The following STXBP5L variants were observed in gnomAD, a reference collection of about 807,000 sequenced individuals.
The protein encoded by STXBP5L is syntaxin binding protein 5L.
Under a neutral mutation model 144.5 loss-of-function variants are expected in STXBP5L, and 65 were observed. The ratio of observed to expected loss-of-function variants is 0.45; its 90% confidence interval spans 0.37 to 0.55. The LOEUF (loss-of-function observed/expected upper bound fraction) is 0.55. Ranked by LOEUF, STXBP5L falls within the 20% of genes least tolerant of loss-of-function variation. STXBP5L has a pLI of 0.00. For missense variants in STXBP5L, 1,298 were observed against 1,405.5 expected (o/e 0.92, Z 1.22); for synonymous variants, 505 against 469.6 (o/e 1.08, Z -0.97).
chr3:120,959,080 C>G (rs1938412988), intron 3 of STXBP5L, among the ~76,000 whole-genome samples: 1 of 152,066 alleles, frequency 6.6e-6, no homozygotes, highest in Non-Finnish European at 1.5e-5. Context: ...AATCAATGTG[C>G]AAAAATCACA....
At chr3:120,939,649 T>A (rs1710460414) in intron 2 of STXBP5L, among the ~76,000 whole-genome samples, 1 of 152,174 alleles carries the variant, frequency 6.6e-6, no homozygotes, top group Non-Finnish European at 1.5e-5. Context: ...TCTTTAGTAG[T>A]TTAACACCAT....
At chr3:121,313,404 C>T (rs2043628781) in intron 19 of STXBP5L, among the ~76,000 whole-genome samples, 1 of 126,276 alleles carries the variant, frequency 7.9e-6, no homozygotes, top group South Asian at 2.7e-4. Context: ...GACCCCCCAC[C>T]TCCCTCCCGG....
chr3:121,082,516 T>C (rs2042299073), intron 5 of STXBP5L, among the ~76,000 whole-genome samples: 1 of 152,256 alleles, frequency 6.6e-6, no homozygotes, highest in Admixed American at 6.5e-5. Context: ...CCCATTCCAT[T>C]GGACCAAGGT....
At chr3:121,059,350 GT>G (rs1221743064) in intron 5 of STXBP5L, among the ~76,000 whole-genome samples, 9 of 152,164 alleles carry the variant, frequency 5.9e-5, no homozygotes, top group Non-Finnish European at 1.3e-4. Context: ...TTTGTTACCA[GT>G]ACCATGGTGT....
chr3:121,137,393 T>C (rs756641009), intron 7 of STXBP5L, among the ~76,000 whole-genome samples: 1 of 152,114 alleles, frequency 6.6e-6, no homozygotes, highest in Non-Finnish European at 1.5e-5. Flanking sequence ...ATTGGCAGAC[T>C]CTTATGAACA....
chr3:121,178,834 G>A (rs1337483357), intron 9 of STXBP5L, among the ~76,000 whole-genome samples: 1 of 152,022 alleles, frequency 6.6e-6, no homozygotes, highest in Non-Finnish European at 1.5e-5. Context: ...CTGAGGGAAG[G>A]CAGCCAGCAG....
chr3:121,281,978 T>G (rs1440235690), intron 19 of STXBP5L, among the ~76,000 whole-genome samples: 1 of 151,360 alleles, frequency 6.6e-6, no homozygotes, highest in African/African-American at 2.4e-5. Context: ...TCTACTTTTA[T>G]AAGACATTTA....
chr3:121,015,281 G>C (rs1945062155), intron 3 of STXBP5L, among the ~76,000 whole-genome samples: 1 of 152,078 alleles, frequency 6.6e-6, no homozygotes, highest in South Asian at 2.1e-4. Flanking sequence ...TTAGATTTCT[G>C]GTTTCAACTT....
At chr3:120,946,731 C>T (rs1395515269) in intron 2 of STXBP5L, among the ~76,000 whole-genome samples, 2 of 151,616 alleles carry the variant, frequency 1.3e-5, no homozygotes, top group African/African-American at 4.8e-5. Context: ...CTTTGTGTTC[C>T]CAATTATACT....
chr3:121,349,475 T>C (rs1257931302), intron 20 of STXBP5L, among the ~76,000 whole-genome samples: 1 of 152,088 alleles, frequency 6.6e-6, no homozygotes, highest in Non-Finnish European at 1.5e-5. Flanking sequence ...CTATTAGGTC[T>C]GCTTGGTGTA....
At chr3:121,034,125 GTTTTC>G (rs1390605392) in intron 3 of STXBP5L, among the ~76,000 whole-genome samples, 1 of 151,798 alleles carries the variant, frequency 6.6e-6, no homozygotes, top group Non-Finnish European at 1.5e-5. Flanking sequence ...TAAAACCATT[GTTTTC>G]TTTATTTTTT....
At position 121,413,482 on chromosome 3, in the gene STXBP5L, AGTATGGTTCTAG is replaced by A. The variant is rs1268472043; in HGVS notation, c.3114+164_3114+175del. Reference sequence around the variant, plus strand: ...CTTCATTTTGAGCCTACCAACTTCTAGTATGGTTCTAGGTATTGCACAGAAATAATAAGAAAG... The same window carrying A: ...CTTCATTTTGAGCCTACCAACTTCTAGTATTGCACAGAAATAATAAGAAAG... On this transcript the variant is annotated intron_variant, in intron 24 of 26. Coordinates refer to ENST00000471454, the MANE Select transcript of STXBP5L (RefSeq NM_001308330.2). Among the ~76,000 whole-genome samples, 4 of 152,314 alleles carry A rather than the reference AGTATGGTTCTAG, an allele frequency of 2.6e-5. No homozygotes were observed. In the East Asian group the frequency reaches 7.7e-4, roughly 29 times the overall value.
intron 20 of STXBP5L, among the ~76,000 whole-genome samples, chr3:121,373,106 G>T (rs1363756039): frequency 6.6e-6 from 1 of 152,130 alleles, no homozygotes; most frequent in Non-Finnish European, 1.5e-5. Context: ...AATGTATCAG[G>T]TAGAAAATCT....
chr3:120,957,804 C>T (rs1359105664), intron 3 of STXBP5L, among the ~76,000 whole-genome samples: 1 of 151,846 alleles, frequency 6.6e-6, no homozygotes, highest in East Asian at 1.9e-4. Context: ...CAAGAGAAAG[C>T]AGGAAAGATC....
intron 2 of STXBP5L, among the ~76,000 whole-genome samples, chr3:120,930,164 C>CTT (rs140390258): frequency 7.4e-6 from 1 of 135,998 alleles, no homozygotes; most frequent in Non-Finnish European, 1.6e-5. Flanking sequence ...TTTCTATTTT[C>CTT]TTTTTTTTTT....
intron 9 of STXBP5L, among the ~76,000 whole-genome samples, chr3:121,175,768 T>C (rs2046908638): frequency 6.6e-6 from 1 of 151,966 alleles, no homozygotes; most frequent in East Asian, 1.9e-4. Flanking sequence ...ACAGTGATTC[T>C]AACATTCAAT....
At chr3:121,418,267 T>A in intron 25 of STXBP5L, 70 bp from the exon 26 acceptor site, 2 of 1,488,158 alleles carry the variant, frequency 1.3e-6, no homozygotes, top group Non-Finnish European at 1.8e-6. Flanking sequence ...TAGTACTTTG[T>A]CTTGGTGACA....
intron 9 of STXBP5L, among the ~76,000 whole-genome samples, chr3:121,161,455 A>G (rs2046319360): frequency 1.3e-5 from 2 of 151,728 alleles, no homozygotes; most frequent in South Asian, 4.1e-4. Context: ...TGCTTTCAAA[A>G]TTTTGCGGGG....
chr3:121,310,508 C>T (rs186124586), intron 19 of STXBP5L, among the ~76,000 whole-genome samples: 452 of 151,480 alleles, frequency 3.0e-3, no homozygotes, highest in Non-Finnish European at 5.2e-3. Flanking sequence ...TACTCTATTC[C>T]GAAGGCTGAG....
Sources: allele counts gnomAD v4.1 joint callset (sites outside exome capture counted in the v4.1 genomes callset), GRCh38; gene constraint gnomAD v4.1.1; transcripts MANE v1.5; gene names NCBI Gene and HGNC (gene_info 2026-07-23, HGNC 2026-07-21).